The following PLK5 variants were observed in gnomAD, a reference collection of about 807,000 sequenced individuals.
The protein encoded by PLK5 is inactive serine/threonine-protein kinase PLK5.
Under a neutral mutation model 33.7 loss-of-function variants are expected in PLK5, and 28 were observed. The ratio of observed to expected loss-of-function variants is 0.83; its 90% CI spans 0.62 to 1.14. The LOEUF (loss-of-function observed/expected upper bound fraction) is 1.14. Among genes scored for constraint, PLK5 ranks in the 50% most tolerant of loss-of-function variants. The probability of loss-of-function intolerance (pLI) is 0.00; values close to 1 mark genes in which losing one functional copy is unlikely to be tolerated. For synonymous variants in PLK5, 225 were observed against 202.2 expected, an observed-to-expected ratio of 1.11 and a Z score of -0.96; for missense variants, 492 against 461.5, an observed-to-expected ratio of 1.07 and a Z score of -0.61.
chr19:1,529,246 TGCCTCCGAGACACTCCGAGG>T (rs1913851947), intron 9 of PLK5, among the ~76,000 whole-genome samples, 140 bp from the exon 10 acceptor site: 1 of 152,130 alleles, frequency 6.6e-6, no homozygotes, highest in African/African-American at 2.4e-5. Context: ...ACCTACTGTA[TGCCTCCGAGACACTCCGAGG>T]CTGCCTCCCA....
rs1456815999 is a variant in PLK5 at position 1,528,344 on chromosome 19, C to A, written c.244C>A (p.Pro82Thr). ...DRLPAHSCHS[P>T]PIFAIPPPLG... ...GCTGCCGGCCCACTCCTGCCACAGTCCCCCCATCTTCGCCATACCCCCGCC... is the reference window on the plus strand; with the variant it reads ...GCTGCCGGCCCACTCCTGCCACAGTACCCCCATCTTCGCCATACCCCCGCC... The change falls in exon 8 of 14, where the codon CCC becomes ACC. Residue 82 changes from proline to threonine, a missense_variant. Physicochemically the swap from Pro to Thr is conservative, Grantham distance 38. Coordinates refer to ENST00000454744, the MANE Select transcript of PLK5 (RefSeq NM_001243079.2). The A allele has an allele frequency of 2.6e-6, 4 of 1,535,764 alleles. No homozygotes were observed. The African/African-American group carries it at 4.1e-5, about 16-fold the overall frequency.
chr19:1,532,962 G>A (rs1913975964), intron 12 of PLK5, among the ~76,000 whole-genome samples: 1 of 151,756 alleles, frequency 6.6e-6, no homozygotes, highest in East Asian at 1.9e-4. Context: ...CACCGCGCCT[G>A]GCCAAGTTTT....
At chr19:1,527,059 G>A in intron 6 of PLK5, 61 bp downstream of exon 6, 4 of 976,164 alleles carry the variant, frequency 4.1e-6, no homozygotes, top group Admixed American at 2.2e-5. Context: ...TGGCGGGGGG[G>A]GAGCCTGCAC....
chr19:1,529,003 AG>A lies in PLK5; in HGVS notation c.405+30del, dbSNP rs140110658. ...AGACATCGGGGTGGGGGACACGGGGAGACACAGGTGGAGGGCATGCTGGCCC... is the reference window on the plus strand; with the variant it reads ...AGACATCGGGGTGGGGGACACGGGGAACACAGGTGGAGGGCATGCTGGCCC... On this transcript the variant is annotated intron_variant, in intron 9 of 13. Transcript: ENST00000454744. 8,790 of 1,471,620 alleles carry A rather than the reference AG, an allele frequency of 6.0e-3. 440 individuals are homozygous for A. The African/African-American group carries it at 0.11, about 19-fold the overall frequency. The allele number at this position is 1,471,620 out of a possible 1,614,324, so 91.2% of individuals were successfully genotyped here.
intron 11 of PLK5, among the ~76,000 whole-genome samples, chr19:1,530,307 TTTTTTAAGAGACGGAATCTCAC>T (rs1913889701): frequency 6.6e-6 from 1 of 152,134 alleles, no homozygotes; most frequent in Admixed American, 6.6e-5. Flanking sequence ...TTCTTTCTTT[TTTTTTAAGAGACGGAATCTCAC>T]TCTGTTGCCT....
In PLK5 at chr19:1,535,121, G is replaced by T; in HGVS notation, c.882G>T (p.Leu294Phe). The T allele has an allele frequency of 2.0e-6, 3 of 1,535,616 alleles. No individual in the cohort carries two copies. Among genetic ancestry groups the T allele is most frequent in the Non-Finnish European group, 2.6e-6 (3 of 1,146,620 alleles). The change falls in exon 14 of 14, where the codon TTG becomes TTT. Residue 294 changes from leucine (L) to phenylalanine (F), a missense_variant. Leu to Phe is a conservative substitution (Grantham distance 22). Transcript: ENST00000454744. ...TGCTGAGTGGCGAGGGTGAGGGTTT[G>T]CAGCTCACCCTCTGGGAGCAGGGGT... ...QLVLSGEGEG[L>F]QLTLWEQGSP...
At chr19:1,528,770 A>G (rs1036611139) in intron 8 of PLK5, 128 bp from the exon 9 acceptor site, 6 of 825,694 alleles carry the variant, frequency 7.3e-6, no homozygotes, top group African/African-American at 4.0e-5. Flanking sequence ...CACACCTCCC[A>G]CCTGCCCACA....
chr19:1,532,521 CTTTTTTT>C (rs10545181), intron 12 of PLK5, among the ~76,000 whole-genome samples: 1 of 118,802 alleles, frequency 8.4e-6, no homozygotes, highest in African/African-American at 2.9e-5. Context: ...AAATTTTCTT[CTTTTTTT>C]TTTTTTTTTT....
At chr19:1,533,577 G>C in intron 12 of PLK5, 1 of 481,146 alleles carries the variant, frequency 2.1e-6, no homozygotes, top group Non-Finnish European at 3.7e-6. Context: ...AGAGAGGACA[G>C]AGAGCCGCAC....
intron 11 of PLK5, among the ~76,000 whole-genome samples, chr19:1,531,137 G>A (rs976401094): frequency 2.0e-5 from 3 of 151,632 alleles, no homozygotes; most frequent in African/African-American, 7.3e-5. Context: ...GGGGCAGGGC[G>A]TGGTGGCTCA....
rs770476921 is a variant in PLK5, at chr19:1,529,688, G to C, written c.491-59G>C. 3.3e-5 allele frequency: 49 copies of C among 1,503,226 alleles called. No homozygotes were observed. The Middle Eastern group carries it at 6.8e-4, about 21-fold the overall frequency. 93.1% of individuals were successfully genotyped at this position (1,503,226 alleles called of 1,614,324 possible). A position where few individuals can be genotyped will look rare whatever the true frequency, so the allele number is the denominator to read the frequency against. ...GGAGCCGTGGGGAGGGGGACTGGTT[G>C]GAAGAGCCTGGTGGTGGGAACCCAG... On this transcript the variant is annotated intron_variant, in intron 10 of 13. Coordinates refer to ENST00000454744, the MANE Select transcript of PLK5 (RefSeq NM_001243079.2).
Position 1,533,951 on chromosome 19 carries a change from T to C in PLK5, c.735T>C (p.Pro245=), listed in dbSNP as rs1250312741. 6.5e-7 allele frequency: 1 copy of C among 1,534,478 alleles called. No homozygotes were observed. Among genetic ancestry groups the C allele is most frequent in the African/African-American group, 1.4e-5 (1 of 73,098 alleles). ...TPRREGTLPT[P]VPPAGPGLCL... ...CACAGGAGGGGACCCTCCCCACACCTGTGCCACCTGCTGGACCCGGCCTCT... is the reference window on the plus strand; with the variant it reads ...CACAGGAGGGGACCCTCCCCACACCCGTGCCACCTGCTGGACCCGGCCTCT... Residue 245 remains proline, a synonymous_variant, in exon 13 of 14, where the codon CCT becomes CCC. Transcript: ENST00000454744.
intron 6 of PLK5, among the ~76,000 whole-genome samples, chr19:1,527,683 C>T (rs1021785487): frequency 1.3e-5 from 2 of 151,438 alleles, no homozygotes; most frequent in African/African-American, 2.4e-5. Flanking sequence ...GATGGACAGA[C>T]GCTGGTGTCC....
chr19:1,534,866 C>T (rs1013165328), intron 13 of PLK5, among the ~76,000 whole-genome samples, 199 bp from the exon 14 acceptor site: 2 of 151,932 alleles, frequency 1.3e-5, no homozygotes, highest in African/African-American at 4.8e-5. Flanking sequence ...GCAGGGGAGC[C>T]CCCATCTGAG....
Position 1,526,492 on chromosome 19 carries a change from G to C in PLK5, c.-306G>C. Reference sequence around the variant, plus strand: ...GGCCGCTGGTCACCCACAGTCTTTGGCCCACGTGCTGAGGGCGCGGCAGAT... The same window carrying C: ...GGCCGCTGGTCACCCACAGTCTTTGCCCCACGTGCTGAGGGCGCGGCAGAT... On this transcript the variant is annotated 5_prime_UTR_variant, in exon 4 of 14. Coordinates refer to ENST00000454744, the MANE Select transcript of PLK5 (RefSeq NM_001243079.2). 1 of 259,102 alleles carries C rather than the reference G, an allele frequency of 3.9e-6. No homozygotes were observed. Among genetic ancestry groups the C allele is most frequent in the South Asian group, 3.4e-5 (1 of 29,616 alleles). 16.1% of individuals were successfully genotyped at this position (259,102 alleles called of 1,614,324 possible).
In PLK5 at chr19:1,529,505, GT is replaced by G; in HGVS notation, c.490+16del. The G allele has an allele frequency of 6.5e-7, 1 of 1,532,762 alleles. No individual in the cohort carries two copies. The highest frequency in any genetic ancestry group is 1.7e-4 in the Middle Eastern group (1 of 5,848). The allele number at this position is 1,532,762 out of a possible 1,614,324, so 94.9% of individuals were successfully genotyped here. On this transcript the variant is annotated intron_variant, in intron 10 of 13. Coordinates refer to ENST00000454744, the MANE Select transcript of PLK5 (RefSeq NM_001243079.2). The stretch of plus-strand genomic sequence containing the variant: ...TGACCTGGCCGGTGAGCAGATCCCC[GT>G]CCCAGCCCGGGGCTGCAGGTGGGGA...
At position 1,535,173 on chromosome 19, in the gene PLK5, G is replaced by T; in HGVS notation, c.934G>T (p.Val312Phe). ...CCCTGGCACCTCCTACTCCCTGGACGTCCCGCGGAGCCACGGCTGCGCCCC... is the reference window on the plus strand; with the variant it reads ...CCCTGGCACCTCCTACTCCCTGGACTTCCCGCGGAGCCACGGCTGCGCCCC... ...GSPGTSYSLD[V>F]PRSHGCAPTT... Residue 312 changes from valine (V) to phenylalanine (F), a missense_variant, in exon 14 of 14, where the codon GTC (valine) becomes TTC (phenylalanine). Val to Phe is a conservative substitution (Grantham distance 50, BLOSUM62 -1). Transcript: ENST00000454744. 6.5e-7 allele frequency: 1 copy of T among 1,532,656 alleles called. No individual in the cohort carries two copies. Among genetic ancestry groups the T allele is most frequent in the Non-Finnish European group, 8.7e-7 (1 of 1,146,528 alleles). 94.9% of individuals were successfully genotyped at this position (1,532,656 alleles called of 1,614,324 possible).
rs977133832 is a variant in PLK5, at chr19:1,528,151, G to C, written c.201+17G>C. 1.4e-6 allele frequency: 2 copies of C among 1,452,186 alleles called. No homozygotes were observed. Among genetic ancestry groups the C allele is most frequent in the Admixed American group, 2.4e-5 (1 of 42,236 alleles). The allele number at this position is 1,452,186 out of a possible 1,614,324, so 90.0% of individuals were successfully genotyped here. On this transcript the variant is annotated intron_variant, in intron 7 of 13. Coordinates refer to ENST00000454744, the MANE Select transcript of PLK5 (RefSeq NM_001243079.2). ...TTCACACAGGTGGGCGGCGGTCCTCGGCGTGGGGTCCCTGGCGTGGGGTCC... is the reference window on the plus strand; with the variant it reads ...TTCACACAGGTGGGCGGCGGTCCTCCGCGTGGGGTCCCTGGCGTGGGGTCC...
chr19:1,525,986 T>C (rs1913728954), intron 3 of PLK5, among the ~76,000 whole-genome samples: 1 of 151,244 alleles, frequency 6.6e-6, no homozygotes, highest in African/African-American at 2.4e-5. Flanking sequence ...CCCATCAGAA[T>C]GTGTTTGCTT....
Sources: allele counts gnomAD v4.1 joint callset (sites outside exome capture counted in the v4.1 genomes callset), GRCh38; gene constraint gnomAD v4.1.1; transcripts MANE v1.5; gene names NCBI Gene and HGNC (gene_info 2026-07-23, HGNC 2026-07-21).